FAM111A: variants seen among roughly 807,000 people sequenced by gnomAD.
FAM111A encodes the protein serine protease FAM111A.
In FAM111A, 8 loss-of-function variants were observed where a neutral mutation model predicts 3.3. The observed-to-expected ratio is 2.39, with a 90% CI of 1.40 to 4.32. FAM111A has a LOEUF of 4.32. FAM111A is among the 30% of genes most tolerant of loss of function. The pLI is 0.00. For missense variants in FAM111A, 683 were observed against 727.6 expected, an observed-to-expected ratio of 0.94 and a Z score of 0.71; for synonymous variants, 227 against 243.1, an observed-to-expected ratio of 0.93 and a Z score of 0.62.
In FAM111A at chr11:59,151,910, C is replaced by T. The variant is rs774666498; in HGVS notation, c.242C>T (p.Thr81Ile). 3 of 1,613,994 alleles carry T rather than the reference C, an allele frequency of 1.9e-6. No individual in the cohort carries two copies. Among genetic ancestry groups the T allele is most frequent in the Non-Finnish European group, 1.7e-6 (2 of 1,180,042 alleles). The change falls in exon 6 of 6, where the codon ACC becomes ATC. Residue 81 changes from threonine (T) to isoleucine (I), a missense_variant. Coordinates refer to ENST00000675163, the MANE Select transcript of FAM111A (RefSeq NM_001312909.2). Reference protein sequence around the residue: ...TMPQNRTIYVTLKVNHRRNQD... With the variant: ...TMPQNRTIYVILKVNHRRNQD... ...CCCCAAAATAGGACAATATATGTTACCTTGAAGGTAAACCACAGGAGAAAC... is the reference window on the plus strand; with the variant it reads ...CCCCAAAATAGGACAATATATGTTATCTTGAAGGTAAACCACAGGAGAAAC...
intron 5 of FAM111A, among the ~76,000 whole-genome samples, chr11:59,150,167 A>G (rs759761678): frequency 2.9e-4 from 44 of 152,280 alleles, no homozygotes; most frequent in Non-Finnish European, 5.0e-4. Flanking sequence ...ATTTTAATAA[A>G]TAGGAAATTT....
Position 59,152,315 on chromosome 11 carries a change from T to G in FAM111A, c.647T>G (p.Phe216Cys). The G allele has an allele frequency of 1.9e-6, 3 of 1,614,192 alleles. No homozygotes were observed. The highest frequency in any genetic ancestry group is 2.5e-6 in the Non-Finnish European group (3 of 1,180,032). ...KKGRKLCVYA[F>C]KGETIKDALC... ...GGGCGCAAACTCTGTGTTTATGCTT[T>G]CAAAGGAGAAACCATCAAGGATGCA... The change falls in exon 6 of 6, where the codon TTC (phenylalanine) becomes TGC (cysteine). Residue 216 changes from phenylalanine to cysteine, a missense_variant. Around this residue, in one of 3 missense-constraint regions of FAM111A, gnomAD observed 557 missense variants for 600.2 expected, o/e 0.93. Coordinates refer to ENST00000675163, the MANE Select transcript of FAM111A (RefSeq NM_001312909.2).
intron 5 of FAM111A, among the ~76,000 whole-genome samples, chr11:59,149,783 G>A (rs1395319985): frequency 6.6e-6 from 1 of 152,172 alleles, no homozygotes; most frequent in Non-Finnish European, 1.5e-5. Flanking sequence ...TGGAGAAGAG[G>A]GAGAAAGTGA....
At chr11:59,143,965 A>G (rs1344218288) in intron 3 of FAM111A, 2 of 152,172 alleles carry the variant, frequency 1.3e-5, no homozygotes, top group African/African-American at 4.8e-5. Flanking sequence ...TGTTTTATCT[A>G]CCAATCCTAA....
At chr11:59,146,080 CAG>C (rs146274712) in intron 4 of FAM111A, among the ~76,000 whole-genome samples, 167 of 144,952 alleles carry the variant, frequency 1.2e-3, no homozygotes, top group Non-Finnish European at 1.2e-3. Flanking sequence ...GTGTGTGTGA[CAG>C]AGAGAGAGAG....
chr11:59,152,349 G>A lies in FAM111A; in HGVS notation c.681G>A (p.Lys227=), dbSNP rs771703306. The A allele has an allele frequency of 1.7e-5, 28 of 1,614,074 alleles. No homozygotes were observed. The highest frequency in any genetic ancestry group is 3.3e-5 in the Admixed American group (2 of 60,012). ...KGETIKDALC[K]DGRFLSFLEN... is the part of the protein sequence containing the mutation. ...AAACCATCAAGGATGCACTGTGCAA[G>A]GATGGCAGATTTCTTTCCTTTCTGG... Residue 227 remains lysine, a synonymous_variant, in exon 6 of 6, where the codon AAG becomes AAA. Transcript: ENST00000675163.
Position 59,153,261 on chromosome 11 carries a change from C to G in FAM111A, c.1593C>G (p.Thr531=). The stretch of plus-strand genomic sequence containing the variant: ...TAGTTCACAACCCTGATGTGATTAC[C>G]TATGACACTGAATTTTTCTTTGGGG... The part of the protein sequence containing the change: ...QKIVHNPDVI[T]YDTEFFFGAS... The change falls in exon 6 of 6, where the codon ACC becomes ACG. Residue 531 remains threonine (T), a synonymous_variant. Transcript: ENST00000675163. 6.2e-7 allele frequency: 1 copy of G among 1,614,150 alleles called. No individual in the cohort carries two copies. Among genetic ancestry groups the G allele is most frequent in the South Asian group, 1.1e-5 (1 of 91,084 alleles).
rs771190325 is a variant in FAM111A at position 59,151,834 on chromosome 11, C to G, written c.166C>G (p.Gln56Glu). 6.0e-5 allele frequency: 97 copies of G among 1,613,920 alleles called. No homozygotes were observed. The highest frequency in any genetic ancestry group is 8.1e-5 in the Non-Finnish European group (96 of 1,179,878). Reference protein sequence around the residue: ...RGDPRATTNTQAQRFHSPKKN... With the variant: ...RGDPRATTNTEAQRFHSPKKN... ...AGACCCAAGAGCCACAACTAATACCCAGGCTCAAAGATTCCATTCACCTAA... is the reference window on the plus strand; with the variant it reads ...AGACCCAAGAGCCACAACTAATACCGAGGCTCAAAGATTCCATTCACCTAA... The change falls in exon 6 of 6, where the codon CAG becomes GAG. Residue 56 changes from glutamine (Q) to glutamate (E), a missense_variant. Around this residue, in one of 3 missense-constraint regions of FAM111A, gnomAD observed 557 missense variants for 600.2 expected, o/e 0.93. Transcript: ENST00000675163.
intron 5 of FAM111A, 43 bp from the exon 6 acceptor site, chr11:59,151,707 G>T: frequency 7.2e-7 from 1 of 1,398,576 alleles, no homozygotes; most frequent in South Asian, 1.4e-5. Context: ...CAAAAGACTC[G>T]GGTTGCATTC....
Position 59,154,328 on chromosome 11 carries a change from A to T in FAM111A, c.*824A>T, listed in dbSNP as rs534009820. 72 of 152,350 alleles carry T rather than the reference A, an allele frequency of 4.7e-4. 2 individuals are homozygous for T. Among genetic ancestry groups the T allele is most frequent in the African/African-American group, 1.7e-3 (70 of 41,586 alleles). The allele number at this position is 152,350 out of a possible 1,614,324, so 9.4% of individuals were successfully genotyped here. On this transcript the variant is annotated 3_prime_UTR_variant, in exon 6 of 6. Coordinates refer to ENST00000675163, the MANE Select transcript of FAM111A (RefSeq NM_001312909.2). ...ACCTTTTAGAATTTCCAAAATCTTC[A>T]TATTACTGAAACTGTCGGAATATAT...
Position 59,152,175 on chromosome 11 carries a change from C to T in FAM111A, c.507C>T (p.His169=), listed in dbSNP as rs555600445. 1.4e-4 allele frequency: 219 copies of T among 1,614,144 alleles called. 4 individuals are homozygous for T. In the South Asian group the frequency reaches 2.3e-3, roughly 17 times the overall value. Residue 169 remains histidine (H), a synonymous_variant, in exon 6 of 6, where the codon CAC becomes CAT. Transcript: ENST00000675163. ...QSKSKQKEDN[H]IFGRQDKAST... ...AAAGTAAGCAGAAGGAAGATAACCA[C>T]ATATTTGGCAGGCAGGACAAAGCAT...
At chr11:59,148,498 T>C (rs896890803) in intron 4 of FAM111A, 1 of 177,792 alleles carries the variant, frequency 5.6e-6, no homozygotes, top group African/African-American at 2.4e-5. Context: ...GCAGTTCGTC[T>C]ACCTTCTCTA....
chr11:59,149,086 A>C (rs1861313635), intron 5 of FAM111A, 133 bp downstream of exon 5: 1 of 656,196 alleles, frequency 1.5e-6, no homozygotes, highest in Non-Finnish European at 2.8e-6. Context: ...TAGTATTGGC[A>C]TATAATGTAT....
Position 59,154,052 on chromosome 11 carries a change from CAA to C in FAM111A, c.*549_*550del. ...TAAAGTCAAGCAATGGGAAGAATAA[CAA>C]GATTATATAGTAATCAGTTTCATGA... On this transcript the variant is annotated 3_prime_UTR_variant, in exon 6 of 6. Transcript: ENST00000675163. The C allele has an allele frequency of 6.6e-6, 1 of 152,122 alleles. No homozygotes were observed. Among genetic ancestry groups the C allele is most frequent in the Non-Finnish European group, 1.5e-5 (1 of 68,104 alleles). The allele number at this position is 152,122 out of a possible 1,614,324, so 9.4% of individuals were successfully genotyped here. A position where few individuals can be genotyped will look rare whatever the true frequency, so the allele number is the denominator to read the frequency against.
Position 59,153,702 on chromosome 11 carries a change from A to ATT in FAM111A, c.*198_*199insTT. On this transcript the variant is annotated 3_prime_UTR_variant, in exon 6 of 6. Coordinates refer to ENST00000675163, the MANE Select transcript of FAM111A (RefSeq NM_001312909.2). ...TATGAGATGGACTATAACTTGCCCA[A>ATT]ATTTTTTTTTTTTTTTTGAGACTGA... 4.4e-6 allele frequency: 2 copies of ATT among 456,158 alleles called. No individual in the cohort carries two copies. The highest frequency in any genetic ancestry group is 2.3e-5 in the African/African-American group (1 of 44,186). 28.3% of individuals were successfully genotyped at this position (456,158 alleles called of 1,614,324 possible). A position where few individuals can be genotyped will look rare whatever the true frequency, so the allele number is the denominator to read the frequency against.
At chr11:59,148,753 C>T (rs531718782) in intron 4 of FAM111A, 44 bp from the exon 5 acceptor site, 31 of 687,108 alleles carry the variant, frequency 4.5e-5, no homozygotes, top group South Asian at 1.4e-4. Context: ...AAAGATGGGA[C>T]GCAGGACACC....
At position 59,152,395 on chromosome 11, in the gene FAM111A, A is replaced by G; in HGVS notation, c.727A>G (p.Ile243Val). Residue 243 changes from isoleucine (I) to valine (V), a missense_variant, in exon 6 of 6, where the codon ATT becomes GTT. By Grantham distance (29) the Ile-to-Val change is conservative. Coordinates refer to ENST00000675163, the MANE Select transcript of FAM111A (RefSeq NM_001312909.2). Reference protein sequence around the residue: ...SFLENDDWKLIENNDTILEST... With the variant: ...SFLENDDWKLVENNDTILEST... ...TCTGGAGAATGATGATTGGAAACTC[A>G]TTGAAAACAATGACACCATTTTAGA... 2 of 1,614,182 alleles carry G rather than the reference A, an allele frequency of 1.2e-6. No homozygotes were observed. Among genetic ancestry groups the G allele is most frequent in the Non-Finnish European group, 8.5e-7 (1 of 1,180,026 alleles).
intron 5 of FAM111A, 96 bp downstream of exon 5, chr11:59,149,049 T>C: frequency 1.2e-6 from 1 of 806,878 alleles, no homozygotes. Context: ...AATCCATGAA[T>C]GCTCAAATTC....
At chr11:59,146,964 G>T (rs1375423304) in intron 4 of FAM111A, among the ~76,000 whole-genome samples, 1 of 152,160 alleles carries the variant, frequency 6.6e-6, no homozygotes, top group African/African-American at 2.4e-5. Context: ...GAGATGGGAA[G>T]TGACCATTAG....
Sources: gnomAD v4.1 joint callset for allele counts (sites outside exome capture counted in the v4.1 genomes callset) on GRCh38, gnomAD v4.1.1 for gene constraint, gnomAD v4.1.1 regional missense constraint, MANE v1.5 for transcripts, NCBI Gene and HGNC (gene_info 2026-07-23, HGNC 2026-07-21) for gene names.